USP51: variants seen among roughly 807,000 people sequenced by gnomAD.
USP51 encodes the protein ubiquitin specific peptidase 51, also known as ubiquitin carboxyl-terminal hydrolase 51.
USP51 carries 5 observed loss-of-function variants against 17.6 expected under a neutral mutation model. That is an observed-to-expected ratio of 0.28 (90% CI 0.15 to 0.60). USP51 has a LOEUF of 0.60. Ranked by LOEUF, USP51 falls within the 20% of genes least tolerant of loss-of-function variation. USP51 has a pLI of 0.88. For synonymous variants in USP51, 248 were observed against 216.1 expected (o/e 1.15, Z -1.29); for missense variants, 459 against 559.5 (o/e 0.82, Z 1.81).
chrX:55,488,683 G>A lies in USP51; in HGVS notation c.257C>T (p.Ser86Leu). The A allele has an allele frequency of 8.3e-7, 1 of 1,199,232 alleles. No homozygotes were observed. Among genetic ancestry groups the A allele is most frequent in the Non-Finnish European group, 1.1e-6 (1 of 894,509 alleles). The change falls in exon 3 of 3, where the codon TCA becomes TTA. Residue 86 changes from serine to leucine, a missense_variant. This residue lies in a region of USP51 where 232 missense variants were observed against 194.0 expected (regional missense o/e 1.20). Coordinates refer to ENST00000500968, the MANE Select transcript of USP51 (RefSeq NM_201286.4). ...GCTGCTGTGACAGCGAAGGGGGATT[G>A]AAGGGAGCACCTTCTCGTCGCCGCC... ...SSGGDEKVLP[S>L]IPLRCHSSSS... is the part of the protein sequence containing the mutation.
At position 55,486,682 on chromosome X, in the gene USP51, A is replaced by T; in HGVS notation, c.*122T>A. The T allele has an allele frequency of 1.0e-6, 1 of 977,667 alleles. No homozygotes were observed. Among genetic ancestry groups the T allele is most frequent in the Non-Finnish European group, 1.4e-6 (1 of 733,806 alleles). 80.6% of individuals were successfully genotyped at this position (977,667 alleles called of 1,213,427 possible). On this transcript the variant is annotated 3_prime_UTR_variant, in exon 3 of 3. Transcript: ENST00000500968. Reference sequence around the variant, plus strand: ...TGGGCCATGCTAAAATAGGTTCTTTATATCAAGATACTAGCTGTCACATAG... The same window carrying T: ...TGGGCCATGCTAAAATAGGTTCTTTTTATCAAGATACTAGCTGTCACATAG...
In USP51 at chrX:55,489,290, C is replaced by T. The variant is rs1429618534; in HGVS notation, c.-171G>A. 1 of 190,308 alleles carries T rather than the reference C, an allele frequency of 5.3e-6. No individual in the cohort carries two copies. Among genetic ancestry groups the T allele is most frequent in the East Asian group, 1.1e-4 (1 of 9,442 alleles). 15.7% of individuals were successfully genotyped at this position (190,308 alleles called of 1,213,427 possible). On this transcript the variant is annotated 5_prime_UTR_variant, in exon 2 of 3. Coordinates refer to ENST00000500968, the MANE Select transcript of USP51 (RefSeq NM_201286.4). ...ATGGAAACTTCTTTAAAAAAGGCGC[C>T]ACCCTCTGACTGCTTTTTTGCGCCC...
Position 55,486,507 on chromosome X carries a change from G to C in USP51, c.*297C>G, listed in dbSNP as rs975528574. 4.1e-6 allele frequency: 1 copy of C among 244,974 alleles called. No homozygotes were observed. Among genetic ancestry groups the C allele is most frequent in the African/African-American group, 2.8e-5 (1 of 35,480 alleles). The allele number at this position is 244,974 out of a possible 1,213,427, so 20.2% of individuals were successfully genotyped here. On this transcript the variant is annotated 3_prime_UTR_variant, in exon 3 of 3. Transcript: ENST00000500968. ...AAACAAATGACATAGAGTAGCATCA[G>C]AACACTTCTACTCCCGTTGTCCCCA...
intron 2 of USP51, 83 bp downstream of exon 2, chrX:55,489,086 T>G: frequency 1.2e-6 from 1 of 831,460 alleles, no homozygotes; most frequent in East Asian, 3.5e-5. Context: ...CCATCGGCCC[T>G]TGAGCTCAGC....
chrX:55,487,483 T>C lies in USP51; in HGVS notation c.1457A>G (p.Gln486Arg), dbSNP rs1355013240. 8.3e-7 allele frequency: 1 copy of C among 1,210,323 alleles called. No homozygotes were observed. Among genetic ancestry groups the C allele is most frequent in the Non-Finnish European group, 1.1e-6 (1 of 895,371 alleles). Residue 486 changes from glutamine (Q) to arginine (R), a missense_variant, in exon 3 of 3, where the codon CAA becomes CGA. Physicochemically the swap from Gln to Arg is conservative, Grantham distance 43. Transcript: ENST00000500968. ...TGATTGCAGGCCACCTGTAAAGATTTGGTCTATGATGCAGTTACAGCAGTT... is the reference window on the plus strand; with the variant it reads ...TGATTGCAGGCCACCTGTAAAGATTCGGTCTATGATGCAGTTACAGCAGTT... ...NPNCCNCIID[Q>R]IFTGGLQSDV...
rs770626772 is a variant in USP51 at position 55,488,888 on chromosome X, T to C, written c.52A>G (p.Ile18Val). The change falls in exon 3 of 3, where the codon ATC (isoleucine) becomes GTC (valine). Residue 18 changes from isoleucine to valine, a missense_variant. Coordinates refer to ENST00000500968, the MANE Select transcript of USP51 (RefSeq NM_201286.4). Reference sequence around the variant, plus strand: ...GAGGCTCCTCCCCCACCTCCGGAGATCCAGCGGACCCCAGAGCCGGAGGGC... The same window carrying C: ...GAGGCTCCTCCCCCACCTCCGGAGACCCAGCGGACCCCAGAGCCGGAGGGC... ...SLPSGSGVRWISGGGGGASPE... is the reference protein window; with the variant it reads ...SLPSGSGVRWVSGGGGGASPE... 1 of 1,207,687 alleles carries C rather than the reference T, an allele frequency of 8.3e-7. No individual in the cohort carries two copies. Among genetic ancestry groups the C allele is most frequent in the South Asian group, 1.8e-5 (1 of 56,268 alleles).
At position 55,488,040 on chromosome X, in the gene USP51, A is replaced by G. The variant is rs202115036; in HGVS notation, c.900T>C (p.Ile300=). Residue 300 remains isoleucine (I), a synonymous_variant, in exon 3 of 3, where the codon ATT becomes ATC. Transcript: ENST00000500968. The part of the protein sequence containing the change: ...DYVYDKDIEQ[I]AKETKEKILR... ...AAATTTTTTCTTTTGTTTCTTTGGC[A>G]ATCTGTTCTATGTCTTTGTCATATA... 1.3e-5 allele frequency: 16 copies of G among 1,207,889 alleles called. No individual in the cohort carries two copies. The highest frequency in any genetic ancestry group is 1.3e-5 in the Non-Finnish European group (12 of 894,476).
At position 55,488,597 on chromosome X, in the gene USP51, G is replaced by C. The variant is rs1157443634; in HGVS notation, c.343C>G (p.Arg115Gly). The C allele has an allele frequency of 1.8e-6, 2 of 1,098,266 alleles. No homozygotes were observed. Among genetic ancestry groups the C allele is most frequent in the Non-Finnish European group, 2.4e-6 (2 of 844,126 alleles). 90.5% of individuals were successfully genotyped at this position (1,098,266 alleles called of 1,213,427 possible). A position where few individuals can be genotyped will look rare whatever the true frequency, so the allele number is the denominator to read the frequency against. ...RPRPQPRARS[R>G]SQPGLSAPPP... ...GGGGCCGAGAGCCCAGGCTGGCTGC[G>C]GGAGCGGGCCCGGGGCTGGGGCCGA... is the stretch of plus-strand genomic sequence containing the variant. Residue 115 changes from arginine (R) to glycine (G), a missense_variant, in exon 3 of 3, where the codon CGC becomes GGC. Around this residue, in one of 2 missense-constraint regions of USP51, gnomAD observed 232 missense variants for 194.0 expected, o/e 1.20. Coordinates refer to ENST00000500968, the MANE Select transcript of USP51 (RefSeq NM_201286.4).
At chrX:55,489,648 C>T (rs1049374407) in intron 1 of USP51, among the ~76,000 whole-genome samples, 128 bp downstream of exon 1, 3 of 112,021 alleles carry the variant, frequency 2.7e-5, no homozygotes, top group African/African-American at 9.8e-5. Flanking sequence ...CTACTCCCTC[C>T]CTTCACGCAT....
At chrX:55,489,087 T>G in intron 2 of USP51, 82 bp downstream of exon 2, 2 of 825,814 alleles carry the variant, frequency 2.4e-6, no homozygotes, top group Non-Finnish European at 3.4e-6. Flanking sequence ...CATCGGCCCT[T>G]GAGCTCAGCC....
rs1334919822 is a variant in USP51, at chrX:55,488,549, G to A, written c.391C>T (p.Pro131Ser). 4 of 1,011,460 alleles carry A rather than the reference G, an allele frequency of 4.0e-6. No individual in the cohort carries two copies. Among genetic ancestry groups the A allele is most frequent in the Non-Finnish European group, 5.0e-6 (4 of 801,067 alleles). The allele number at this position is 1,011,460 out of a possible 1,213,427, so 83.4% of individuals were successfully genotyped here. A position where few individuals can be genotyped will look rare whatever the true frequency, so the allele number is the denominator to read the frequency against. The part of the protein sequence containing the change: ...SAPPPPPARP[P>S]PPPPPPPPPA... ...GGGGGCGGGGGTGGCGGCGGGGGCG[G>A]GGGCCGGGCTGGAGGCGGGGGTGGG... Residue 131 changes from proline to serine, a missense_variant, in exon 3 of 3, where the codon CCG becomes TCG. Physicochemically the swap from Pro to Ser is moderately conservative, Grantham distance 74. This residue lies in a region of USP51 where 232 missense variants were observed against 194.0 expected (regional missense o/e 1.20). Coordinates refer to ENST00000500968, the MANE Select transcript of USP51 (RefSeq NM_201286.4).
In USP51 at chrX:55,488,459, G is replaced by A. The variant is rs1280753611; in HGVS notation, c.481C>T (p.Gln161Ter). Residue 161 changes from glutamine (Q) to a stop codon, truncating the protein, a stop_gained, in exon 3 of 3, where the codon CAG becomes TAG. Transcript: ENST00000500968. LOFTEE classifies it low-confidence loss of function (END_TRUNC). ...TCACCAGAGCAGCTTCTCCGTGTCT[G>A]AGGCCTGGACCCAGGCCGGGATCTG... Reference protein sequence around the residue: ...RRRSRPGSRPQTRRSCSGDLD... With the variant: ...RRRSRPGSRP The A allele has an allele frequency of 8.3e-7, 1 of 1,210,327 alleles. No individual in the cohort carries two copies.
In USP51 at chrX:55,485,276, T is replaced by C. The variant is rs1476985147; in HGVS notation, c.*1528A>G. On this transcript the variant is annotated 3_prime_UTR_variant, in exon 3 of 3. Transcript: ENST00000500968. ...CTAAGAATTTGTATGAATAATGCAG[T>C]TCTAAATGGGAAAGTCCCTAATGTT... 4 of 111,461 alleles carry C rather than the reference T, an allele frequency of 3.6e-5. No individual in the cohort carries two copies. Among genetic ancestry groups the C allele is most frequent in the Non-Finnish European group, 7.5e-5 (4 of 53,093 alleles). 9.2% of individuals were successfully genotyped at this position (111,461 alleles called of 1,213,427 possible).
intron 2 of USP51, 89 bp downstream of exon 2, chrX:55,489,080 C>T: frequency 1.1e-6 from 1 of 885,924 alleles, no homozygotes; most frequent in Non-Finnish European, 1.5e-6. Context: ...CCCCTCCCAT[C>T]GGCCCTTGAG....
Position 55,487,953 on chromosome X carries a change from A to G in USP51, c.987T>C (p.Phe329=), listed in dbSNP as rs188717742. 1 of 1,192,174 alleles carries G rather than the reference A, an allele frequency of 8.4e-7. No homozygotes were observed. Among genetic ancestry groups the G allele is most frequent in the African/African-American group, 1.8e-5 (1 of 56,565 alleles). ...TCTCACAGGTTGATTGCTTGTCTTC[A>G]AACCCTGATGTCATAAACTGTTGAT... ...VSHQQFMTSG[F]EDKQSTCETK... is the part of the protein sequence containing the mutation. Residue 329 remains phenylalanine (F), a synonymous_variant, in exon 3 of 3, where the codon TTT becomes TTC. Transcript: ENST00000500968.
At position 55,487,516 on chromosome X, in the gene USP51, T is replaced by C. The variant is rs373880937; in HGVS notation, c.1424A>G (p.Asn475Ser). 9.9e-6 allele frequency: 12 copies of C among 1,210,397 alleles called. No homozygotes were observed. The African/African-American group carries it at 1.4e-4, about 14-fold the overall frequency. Residue 475 changes from asparagine to serine, a missense_variant, in exon 3 of 3, where the codon AAT (asparagine) becomes AGT (serine). By Grantham distance (46) the Asn-to-Ser change is conservative. Around this residue, in one of 2 missense-constraint regions of USP51, gnomAD observed 227 missense variants for 365.5 expected, o/e 0.62. Coordinates refer to ENST00000500968, the MANE Select transcript of USP51 (RefSeq NM_201286.4). ...SKDDSGGQEA[N>S]NPNCCNCIID... ...GATGCAGTTACAGCAGTTGGGGTTA[T>C]TGGCCTCCTGCCCACCACTATCATC... is the stretch of plus-strand genomic sequence containing the variant.
At position 55,487,339 on chromosome X, in the gene USP51, T is replaced by G; in HGVS notation, c.1601A>C (p.Asp534Ala). 5 of 1,211,689 alleles carry G rather than the reference T, an allele frequency of 4.1e-6. No individual in the cohort carries two copies. Among genetic ancestry groups the G allele is most frequent in the Non-Finnish European group, 5.6e-6 (5 of 895,420 alleles). Residue 534 changes from aspartate to alanine, a missense_variant, in exon 3 of 3, where the codon GAC becomes GCC. Around this residue, in one of 2 missense-constraint regions of USP51, gnomAD observed 227 missense variants for 365.5 expected, o/e 0.62. Transcript: ENST00000500968. The part of the protein sequence containing the change: ...TFDSQNPERA[D>A]STVSRDDHIP... ...GTGGTCATCCCTGCTCACTGTGCTGTCAGCCCTCTCTGGGTTCTGGGAATC... is the reference window on the plus strand; with the variant it reads ...GTGGTCATCCCTGCTCACTGTGCTGGCAGCCCTCTCTGGGTTCTGGGAATC...
intron 1 of USP51, among the ~76,000 whole-genome samples, 48 bp from the exon 2 acceptor site, chrX:55,489,413 A>T (rs1489833719): frequency 8.9e-6 from 1 of 112,820 alleles, no homozygotes; most frequent in Non-Finnish European, 1.9e-5. Flanking sequence ...GGCTGAAAGG[A>T]CGCACTTTTG....
In USP51 at chrX:55,488,617, G is replaced by C; in HGVS notation, c.323C>G (p.Pro108Arg). 1 of 1,147,888 alleles carries C rather than the reference G, an allele frequency of 8.7e-7. No homozygotes were observed. Among genetic ancestry groups the C allele is most frequent in the East Asian group, 3.3e-5 (1 of 30,612 alleles). The allele number at this position is 1,147,888 out of a possible 1,213,427, so 94.6% of individuals were successfully genotyped here. ...GCTGCGGGAGCGGGCCCGGGGCTGG[G>C]GCCGAGGGCGGGGCTTGCGGCGCGG... ...VCPRRKPRPRPQPRARSRSQP... is the reference protein window; with the variant it reads ...VCPRRKPRPRRQPRARSRSQP... The change falls in exon 3 of 3, where the codon CCC becomes CGC. Residue 108 changes from proline to arginine, a missense_variant. Pro to Arg is a moderately radical substitution (Grantham distance 103). Around this residue, in one of 2 missense-constraint regions of USP51, gnomAD observed 232 missense variants for 194.0 expected, o/e 1.20. Coordinates refer to ENST00000500968, the MANE Select transcript of USP51 (RefSeq NM_201286.4).
Sources: allele counts gnomAD v4.1 joint callset (sites outside exome capture counted in the v4.1 genomes callset), GRCh38; gene constraint gnomAD v4.1.1; regional missense constraint gnomAD v4.1.1; transcripts MANE v1.5; gene names NCBI Gene and HGNC (gene_info 2026-07-23, HGNC 2026-07-21).